MGMT: variants seen among roughly 807,000 people sequenced by gnomAD.
MGMT encodes methylated-DNA--protein-cysteine methyltransferase.
A neutral mutation model predicts 15.9 loss-of-function variants in MGMT; 14 were observed. That is an observed-to-expected ratio of 0.88 (90% CI 0.58 to 1.37). The LOEUF (loss-of-function observed/expected upper bound fraction) is 1.37. Ranked by LOEUF, MGMT falls within the 40% of genes most tolerant of loss-of-function variation. MGMT has a pLI of 0.00. For missense variants in MGMT, 282 were observed against 268.1 expected (o/e 1.05, Z -0.36); for synonymous variants, 130 against 118.2 (o/e 1.10, Z -0.65).
chr10:129,758,233 G>A (rs919402893), intron 3 of MGMT, among the ~76,000 whole-genome samples: 2 of 152,162 alleles, frequency 1.3e-5, no homozygotes, highest in Non-Finnish European at 2.9e-5. Flanking sequence ...CACTTTGCCA[G>A]CTTGGCACCA....
intron 2 of MGMT, among the ~76,000 whole-genome samples, chr10:129,670,766 G>T (rs1337761512): frequency 1.3e-5 from 2 of 152,152 alleles, no homozygotes; most frequent in Non-Finnish European, 2.9e-5. Context: ...CAGAATCATT[G>T]AAAGACACAA....
chr10:129,707,798 C>T, intron 2 of MGMT, 97 bp from the exon 3 acceptor site: 2 of 1,518,666 alleles, frequency 1.3e-6, no homozygotes, highest in Non-Finnish European at 1.8e-6. Flanking sequence ...GAAGCAGCCA[C>T]AGGTGTTTGC....
chr10:129,651,544 T>C (rs1417130091), intron 2 of MGMT, among the ~76,000 whole-genome samples: 3 of 152,202 alleles, frequency 2.0e-5, no homozygotes, highest in Admixed American at 6.5e-5. Context: ...TAGCCAGATA[T>C]ATTTGTCTAC....
At chr10:129,619,677 C>A (rs1002733824) in intron 2 of MGMT, among the ~76,000 whole-genome samples, 2 of 152,292 alleles carry the variant, frequency 1.3e-5, no homozygotes, top group East Asian at 3.9e-4. Flanking sequence ...TGAATTTCTT[C>A]ATGACTCAGT....
intron 1 of MGMT, among the ~76,000 whole-genome samples, chr10:129,490,581 C>A (rs1317007204): frequency 6.6e-6 from 1 of 151,910 alleles, no homozygotes; most frequent in Non-Finnish European, 1.5e-5. Context: ...CTTTTTCTAC[C>A]CTTTAGCTTT....
At chr10:129,674,389 A>T (rs1051547408) in intron 2 of MGMT, among the ~76,000 whole-genome samples, 1 of 152,168 alleles carries the variant, frequency 6.6e-6, no homozygotes. Context: ...CCAGTCACGA[A>T]TCGGCTATCT....
chr10:129,768,175 T>C lies in MGMT; in HGVS notation c.*1178T>C, dbSNP rs930805302. Among the ~76,000 whole-genome samples the C allele has an allele frequency of 6.6e-6, 1 of 152,236 alleles. No homozygotes were observed. Among genetic ancestry groups the C allele is most frequent in the Non-Finnish European group, 1.5e-5 (1 of 68,042 alleles). On this transcript the variant is annotated 3_prime_UTR_variant, in exon 5 of 5. Transcript: ENST00000651593. ...CCTGGATGAAAATGTGGCCTCACGA[T>C]GTGTATGGTTGGGACCCGCCTTCTA...
intron 2 of MGMT, among the ~76,000 whole-genome samples, chr10:129,622,012 C>T (rs7091540): frequency 0.51 from 77,378 of 152,070 alleles, 20,040 homozygotes; most frequent in African/African-American, 0.59. Context: ...TATCACAGAA[C>T]GGTGTTTGTT....
At position 129,769,770 on chromosome 10, in the gene MGMT, C is replaced by T. The variant is rs141747681; in HGVS notation, c.*2773C>T. On this transcript the variant is annotated 3_prime_UTR_variant, in exon 5 of 5. Transcript: ENST00000651593. ...ACCTGCATTCCACGTGTCCTGTGGC[C>T]GCCTCCAGTGGTGAGTCTGTGAGGC... Among the ~76,000 whole-genome samples, 107 of 152,276 alleles carry T rather than the reference C, an allele frequency of 7.0e-4. 2 individuals carry two copies. Among genetic ancestry groups the T allele is most frequent in the Middle Eastern group, 6.8e-3 (2 of 294 alleles).
chr10:129,617,720 G>A (rs1294639643), intron 2 of MGMT, among the ~76,000 whole-genome samples: 1 of 152,144 alleles, frequency 6.6e-6, no homozygotes, highest in African/African-American at 2.4e-5. Flanking sequence ...TTGGCCATAT[G>A]TATGTCTTCT....
chr10:129,723,910 C>T (rs1589959294), intron 3 of MGMT, among the ~76,000 whole-genome samples: 2 of 152,290 alleles, frequency 1.3e-5, no homozygotes, highest in Middle Eastern at 3.4e-3. Flanking sequence ...CCTCGCCTCT[C>T]GTATACATTG....
chr10:129,559,632 G>A (rs1049870997), intron 2 of MGMT, among the ~76,000 whole-genome samples: 1 of 151,920 alleles, frequency 6.6e-6, no homozygotes, highest in African/African-American at 2.4e-5. Context: ...TTATTAAATC[G>A]TCACTTGGAA....
intron 3 of MGMT, among the ~76,000 whole-genome samples, chr10:129,713,782 C>T (rs1390898975): frequency 6.6e-6 from 1 of 152,132 alleles, no homozygotes; most frequent in East Asian, 1.9e-4. Context: ...AGCCCTGCCT[C>T]CCAAGAACCC....
intron 4 of MGMT, among the ~76,000 whole-genome samples, chr10:129,762,809 C>T (rs1050730570): frequency 1.3e-5 from 2 of 152,082 alleles, no homozygotes; most frequent in Non-Finnish European, 2.9e-5. Context: ...AAAGACTTAG[C>T]ATCATGTTCT....
intron 4 of MGMT, 140 bp downstream of exon 4, chr10:129,759,481 A>G (rs1848846846): frequency 7.8e-7 from 1 of 1,284,476 alleles, no homozygotes; most frequent in Non-Finnish European, 1.1e-6. Flanking sequence ...GATGGGGACC[A>G]TTATGCCAGA....
chr10:129,523,865 C>A (rs1052442868), intron 1 of MGMT, among the ~76,000 whole-genome samples: 1 of 152,186 alleles, frequency 6.6e-6, no homozygotes, highest in African/African-American at 2.4e-5. Context: ...TGTCAGAAGC[C>A]AGGCGTCCTG....
chr10:129,473,442 C>T (rs971275905), intron 1 of MGMT, among the ~76,000 whole-genome samples: 2 of 152,170 alleles, frequency 1.3e-5, no homozygotes, highest in East Asian at 1.9e-4. Context: ...AAGGAGAAGG[C>T]GCTGTGAGTG....
chr10:129,468,202 T>A (rs1845192068), intron 1 of MGMT, among the ~76,000 whole-genome samples: 1 of 152,120 alleles, frequency 6.6e-6, no homozygotes, highest in Non-Finnish European at 1.5e-5. Context: ...CCTGGGCAGG[T>A]GTCTAGGAGA....
At chr10:129,651,698 G>T (rs976942654) in intron 2 of MGMT, among the ~76,000 whole-genome samples, 1 of 152,044 alleles carries the variant, frequency 6.6e-6, no homozygotes, top group Non-Finnish European at 1.5e-5. Flanking sequence ...GCTCATCCTG[G>T]CCCTGTTGGA....
Sources: allele counts gnomAD v4.1 joint callset (sites outside exome capture counted in the v4.1 genomes callset), GRCh38; gene constraint gnomAD v4.1.1; transcripts MANE v1.5; gene names NCBI Gene and HGNC (gene_info 2026-07-23, HGNC 2026-07-21).